The following CNNM2 variants were observed in gnomAD, a reference collection of about 807,000 sequenced individuals.
CNNM2 encodes metal transporter CNNM2.
Under a neutral mutation model 66.9 loss-of-function variants are expected in CNNM2, and 12 were observed. That is an observed-to-expected ratio of 0.18 (90% CI 0.11 to 0.29). The LOEUF (loss-of-function observed/expected upper bound fraction) is 0.29. CNNM2 is among the 10% of genes least tolerant of loss of function. The probability of loss-of-function intolerance (pLI) is 1.00; values close to 1 mark genes in which losing one functional copy is unlikely to be tolerated. For synonymous variants in CNNM2, 557 were observed against 501.8 expected, an observed-to-expected ratio of 1.11 and a Z score of -1.47; for missense variants, 705 against 1,167.7, an observed-to-expected ratio of 0.60 and a Z score of 5.77.
intron 1 of CNNM2, among the ~76,000 whole-genome samples, chr10:103,030,689 CAG>C (rs1292349610): frequency 6.6e-6 from 1 of 152,148 alleles, no homozygotes; most frequent in Admixed American, 6.6e-5. Flanking sequence ...GCCTGGGCAA[CAG>C]AGTGAGGCTC....
In CNNM2 at chr10:103,047,092, G is replaced by A. The variant is rs77364083; in HGVS notation, c.1622-2615G>A. 4.8e-3 allele frequency among the ~76,000 whole-genome samples: 737 copies of A among 152,276 alleles called. 3 individuals are homozygous for A. The highest frequency in any genetic ancestry group is 9.0e-3 in the Admixed American group (137 of 15,300). ...GAGCTTAACTCCCACCCTTGTATGG[G>A]TGGGCTAGACTTAGTGATTTGTTTT... is the stretch of plus-strand genomic sequence containing the variant. On this transcript the variant is annotated intron_variant, in intron 1 of 7. Transcript: ENST00000369878.
intron 1 of CNNM2, among the ~76,000 whole-genome samples, chr10:103,036,336 C>G (rs78110843): frequency 6.6e-6 from 1 of 152,110 alleles, no homozygotes; most frequent in African/African-American, 2.4e-5. Context: ...TCTTAAGGCC[C>G]GGCTTTTAAG....
At chr10:102,934,356 C>G (rs1031412406) in intron 1 of CNNM2, among the ~76,000 whole-genome samples, 2 of 150,110 alleles carry the variant, frequency 1.3e-5, no homozygotes, top group African/African-American at 4.9e-5. Context: ...TCTCTGCTCA[C>G]TGCAAACTCT....
chr10:103,052,439 T>C (rs2065231512), intron 2 of CNNM2, among the ~76,000 whole-genome samples: 1 of 152,138 alleles, frequency 6.6e-6, no homozygotes. Flanking sequence ...TCTTAAGCCT[T>C]GATTGGACTG....
In CNNM2 at chr10:103,054,305, T is replaced by C. The variant is rs751780807; in HGVS notation, c.1766-24T>C. The C allele has an allele frequency of 3.8e-5, 61 of 1,609,256 alleles. No individual in the cohort carries two copies. Among genetic ancestry groups the C allele is most frequent in the Admixed American group, 3.7e-4 (22 of 58,814 alleles). The stretch of plus-strand genomic sequence containing the variant: ...CTCATGGGATGCATTTCTTTTTTTT[T>C]CTCTCTTTTAATTCCTCCCTTAGCT... On this transcript the variant is annotated intron_variant, in intron 2 of 7. Coordinates refer to ENST00000369878, the MANE Select transcript of CNNM2 (RefSeq NM_017649.5). This position sits in a 1 kb window ranked among gnomAD's most constrained non-coding sequence, Gnocchi z 5.2.
At chr10:103,022,631 C>T (rs1458971327) in intron 1 of CNNM2, among the ~76,000 whole-genome samples, 2 of 152,246 alleles carry the variant, frequency 1.3e-5, no homozygotes, top group African/African-American at 2.4e-5. Context: ...TTTATCATCA[C>T]ACCACCTTCT....
chr10:103,015,745 C>T (rs989243212), intron 1 of CNNM2, among the ~76,000 whole-genome samples: 2 of 152,026 alleles, frequency 1.3e-5, no homozygotes, highest in Non-Finnish European at 2.9e-5. Context: ...CCCAGCTACT[C>T]GGGAGGCTGA....
intron 1 of CNNM2, among the ~76,000 whole-genome samples, chr10:103,011,059 T>C (rs988428842): frequency 1.3e-5 from 2 of 152,224 alleles, no homozygotes; most frequent in Non-Finnish European, 2.9e-5. Context: ...ACTATATATC[T>C]TTTTATTTCA....
chr10:102,932,778 G>A (rs894397153), intron 1 of CNNM2, among the ~76,000 whole-genome samples: 21 of 151,214 alleles, frequency 1.4e-4, no homozygotes, highest in Admixed American at 3.9e-4. Flanking sequence ...ATTAGCCAGC[G>A]TGGTGGTGCA....
intron 1 of CNNM2, among the ~76,000 whole-genome samples, chr10:102,922,980 A>G (rs964131077): frequency 6.6e-6 from 1 of 151,796 alleles, no homozygotes; most frequent in African/African-American, 2.4e-5. Flanking sequence ...CTTCCTAGTT[A>G]AGAACTTCTG....
rs758061224 is a variant in CNNM2 at position 102,918,858 on chromosome 10, G to A, written c.378G>A (p.Arg126=). ...TCGCCTTCACCGAGCACGAGCGGCG[G>A]CGCCACAGCCCGGGGGAGCGCGGGC... The part of the protein sequence containing the change: ...SRIAFTEHER[R]RHSPGERGLG... The change falls in exon 1 of 8, where the codon CGG becomes CGA. Residue 126 remains arginine, a synonymous_variant. Transcript: ENST00000369878. The surrounding 1 kb of genome is among the most constrained non-coding windows in gnomAD (Gnocchi z 4.1). 14 of 1,594,196 alleles carry A rather than the reference G, an allele frequency of 8.8e-6. No homozygotes were observed. The highest frequency in any genetic ancestry group is 2.7e-5 in the African/African-American group (2 of 74,020).
At chr10:103,009,674 CAAAAAAAAAAA>C (rs36096913) in intron 1 of CNNM2, among the ~76,000 whole-genome samples, 2 of 58,634 alleles carry the variant, frequency 3.4e-5, no homozygotes, top group African/African-American at 7.3e-5. Context: ...CCTGAGTCTC[CAAAAAAAAAAA>C]AAAAAAAAAA....
chr10:102,918,742 A>G lies in CNNM2; in HGVS notation c.262A>G (p.Met88Val). ...GGAGGACACGAACGACGTGTCGTTCATGGAAGGGGGGGCGCTGCGGGTGAG... is the reference window on the plus strand; with the variant it reads ...GGAGGACACGAACGACGTGTCGTTCGTGGAAGGGGGGGCGCTGCGGGTGAG... ...RLEDTNDVSF[M>V]EGGALRVSER... is the part of the protein sequence containing the mutation. Residue 88 changes from methionine (M) to valine (V), a missense_variant, in exon 1 of 8, where the codon ATG (methionine) becomes GTG (valine). This residue lies in a region of CNNM2 where 37 missense variants were observed against 58.5 expected (regional missense o/e 0.63). Coordinates refer to ENST00000369878, the MANE Select transcript of CNNM2 (RefSeq NM_017649.5). This position sits in a 1 kb window ranked among gnomAD's most constrained non-coding sequence, Gnocchi z 4.1. The G allele has an allele frequency of 6.3e-7, 1 of 1,587,118 alleles. No individual in the cohort carries two copies. Among genetic ancestry groups the G allele is most frequent in the Non-Finnish European group, 8.6e-7 (1 of 1,167,584 alleles).
At chr10:102,935,826 C>T (rs1590273839) in intron 1 of CNNM2, among the ~76,000 whole-genome samples, 1 of 145,064 alleles carries the variant, frequency 6.9e-6, no homozygotes, top group East Asian at 2.0e-4. Context: ...GCTATGTTGC[C>T]CAGGCTGGTC....
intron 1 of CNNM2, among the ~76,000 whole-genome samples, chr10:102,982,618 T>A (rs1180100744): frequency 6.6e-6 from 1 of 152,202 alleles, no homozygotes; most frequent in Non-Finnish European, 1.5e-5. Context: ...GATGGGTAGT[T>A]AGTTCTTTGT....
At chr10:102,999,182 C>T (rs868818898) in intron 1 of CNNM2, among the ~76,000 whole-genome samples, 7 of 151,312 alleles carry the variant, frequency 4.6e-5, no homozygotes, top group East Asian at 1.9e-4. Flanking sequence ...GCCATTCTCC[C>T]GCCTCAGCCT....
intron 1 of CNNM2, among the ~76,000 whole-genome samples, chr10:103,031,783 T>A (rs924780527): frequency 6.6e-6 from 1 of 152,114 alleles, no homozygotes; most frequent in Non-Finnish European, 1.5e-5. Flanking sequence ...CTAGAACCTT[T>A]TTAGGAACCT....
Position 102,918,575 on chromosome 10 carries a change from G to C in CNNM2, c.95G>C (p.Ser32Thr), listed in dbSNP as rs749255923. The change falls in exon 1 of 8, where the codon AGC becomes ACC. Residue 32 changes from serine to threonine, a missense_variant. Around this residue, in one of 9 missense-constraint regions of CNNM2, gnomAD observed 98 missense variants for 73.6 expected, o/e 1.33. Transcript: ENST00000369878. The surrounding 1 kb of genome is among the most constrained non-coding windows in gnomAD (Gnocchi z 4.1). ...LPTWKMAARR[S>T]LSARGRGILQ... is the part of the protein sequence containing the mutation. ...ACTTGGAAGATGGCGGCGCGCCGCA[G>C]CCTCAGCGCTCGCGGCCGGGGGATC... The C allele has an allele frequency of 1.1e-5, 18 of 1,581,158 alleles. No individual in the cohort carries two copies. Among genetic ancestry groups the C allele is most frequent in the Non-Finnish European group, 1.5e-5 (17 of 1,167,794 alleles).
chr10:102,918,786 G>A lies in CNNM2; in HGVS notation c.306G>A (p.Lys102=). 1 of 1,599,958 alleles carries A rather than the reference G, an allele frequency of 6.3e-7. No individual in the cohort carries two copies. Among genetic ancestry groups the A allele is most frequent in the Non-Finnish European group, 8.5e-7 (1 of 1,174,044 alleles). Residue 102 remains lysine, a synonymous_variant, in exon 1 of 8, where the codon AAG becomes AAA. Coordinates refer to ENST00000369878, the MANE Select transcript of CNNM2 (RefSeq NM_017649.5). This position sits in a 1 kb window ranked among gnomAD's most constrained non-coding sequence, Gnocchi z 4.1. ...ALRVSERTRV[K]LRVYGQNINN... is the part of the protein sequence containing the mutation. ...GGGTGAGCGAACGGACCCGGGTCAAGCTGCGGGTGTACGGGCAGAACATCA... is the reference window on the plus strand; with the variant it reads ...GGGTGAGCGAACGGACCCGGGTCAAACTGCGGGTGTACGGGCAGAACATCA...
Sources: allele counts gnomAD v4.1 joint callset (sites outside exome capture counted in the v4.1 genomes callset), GRCh38; gene constraint gnomAD v4.1.1; regional missense constraint gnomAD v4.1.1; non-coding constraint Gnocchi (gnomAD v3.1); transcripts MANE v1.5; gene names NCBI Gene and HGNC (gene_info 2026-07-23, HGNC 2026-07-21).